The following MYO1D variants were observed in gnomAD, a reference collection of about 807,000 sequenced individuals.
MYO1D encodes myosin ID.
Under a neutral mutation model 122.0 loss-of-function variants are expected in MYO1D, and 83 were observed. That is an observed-to-expected ratio of 0.68 (90% CI 0.57 to 0.82). The LOEUF (loss-of-function observed/expected upper bound fraction) is 0.82, where lower values mean the gene tolerates loss of function less well. MYO1D is among the 40% of genes least tolerant of loss of function. The probability of loss-of-function intolerance (pLI) is 0.00; values close to 1 mark genes in which losing one functional copy is unlikely to be tolerated. For missense variants in MYO1D, 1,157 were observed against 1,269.5 expected (o/e 0.91, Z 1.35); for synonymous variants, 464 against 446.9 (o/e 1.04, Z -0.48).
intron 21 of MYO1D, among the ~76,000 whole-genome samples, chr17:32,521,437 GA>G (rs1164670630): frequency 6.6e-6 from 1 of 152,196 alleles, no homozygotes; most frequent in Admixed American, 6.5e-5. Flanking sequence ...GGAACAAACT[GA>G]AAAGAACAGT....
At chr17:32,755,460 T>C (rs751971942) in intron 11 of MYO1D, 32 bp downstream of exon 11, 11 of 1,600,846 alleles carry the variant, frequency 6.9e-6, no homozygotes, top group Non-Finnish European at 8.5e-6. Context: ...ACCTCACAGA[T>C]AAAAGGAAGA....
chr17:32,779,512 C>T (rs1172305282), intron 2 of MYO1D, among the ~76,000 whole-genome samples: 1 of 150,992 alleles, frequency 6.6e-6, no homozygotes, highest in African/African-American at 2.4e-5. Context: ...ATTACACATG[C>T]AATTATGACT....
intron 16 of MYO1D, among the ~76,000 whole-genome samples, chr17:32,703,296 T>C (rs1002505383): frequency 9.9e-5 from 15 of 152,210 alleles, no homozygotes; most frequent in African/African-American, 3.6e-4. Context: ...ATTTGTGTTA[T>C]AGGTGGGTCA....
chr17:32,806,765 C>G (rs879357081), intron 1 of MYO1D, among the ~76,000 whole-genome samples: 1 of 152,158 alleles, frequency 6.6e-6, no homozygotes, highest in Non-Finnish European at 1.5e-5. Context: ...TTTATAGCTC[C>G]AAGGGTGTTT....
chr17:32,780,492 T>C (rs1481661520), intron 2 of MYO1D, 84 bp downstream of exon 2: 2 of 1,399,252 alleles, frequency 1.4e-6, no homozygotes, highest in Admixed American at 1.8e-5. Flanking sequence ...TAAAAAAATA[T>C]TTAATCAATT....
intron 16 of MYO1D, among the ~76,000 whole-genome samples, chr17:32,687,910 A>G (rs558384014): frequency 9.8e-5 from 15 of 152,346 alleles, no homozygotes; most frequent in African/African-American, 3.4e-4. Flanking sequence ...ATAATCAAGT[A>G]CAAGGATTCT....
At chr17:32,581,435 C>T (rs2087337529) in intron 21 of MYO1D, among the ~76,000 whole-genome samples, 1 of 151,852 alleles carries the variant, frequency 6.6e-6, no homozygotes, top group Non-Finnish European at 1.5e-5. Flanking sequence ...GACCTTTCTT[C>T]TGCTTTCTTT....
intron 16 of MYO1D, among the ~76,000 whole-genome samples, chr17:32,683,967 C>T (rs1035844849): frequency 2.0e-5 from 3 of 152,138 alleles, no homozygotes; most frequent in Admixed American, 6.5e-5. Context: ...TTTTTTAAGC[C>T]GGCCTGAAAA....
At chr17:32,555,249 C>T (rs1023984103) in intron 21 of MYO1D, among the ~76,000 whole-genome samples, 9 of 142,846 alleles carry the variant, frequency 6.3e-5, no homozygotes, top group Admixed American at 2.1e-4. Flanking sequence ...CATGAAATAC[C>T]ACACAGATAT....
chr17:32,765,721 G>A (rs1191925723), intron 7 of MYO1D, among the ~76,000 whole-genome samples: 3 of 152,180 alleles, frequency 2.0e-5, no homozygotes, highest in Non-Finnish European at 4.4e-5. Flanking sequence ...GCCTCCCAAA[G>A]TGCTGGGATT....
At chr17:32,770,588 T>C (rs576292155) in intron 6 of MYO1D, among the ~76,000 whole-genome samples, 1 of 152,222 alleles carries the variant, frequency 6.6e-6, no homozygotes, top group East Asian at 1.9e-4. Flanking sequence ...AAAATACGCC[T>C]GCATGTAAGT....
intron 20 of MYO1D, among the ~76,000 whole-genome samples, chr17:32,606,433 T>G (rs1298576838): frequency 6.6e-6 from 1 of 152,160 alleles, no homozygotes; most frequent in East Asian, 1.9e-4. Flanking sequence ...AACACGGATG[T>G]AAAAATGGAT....
Position 32,772,855 on chromosome 17 carries a change from A to C in MYO1D, c.565-13T>G. ...CAATCACTCGAGACTAAGAAAAAACACATTAAAATGGTTAACCCGAAAATG... is the reference window on the plus strand; with the variant it reads ...CAATCACTCGAGACTAAGAAAAAACCCATTAAAATGGTTAACCCGAAAATG... On this transcript the variant is annotated splice_polypyrimidine_tract_variant and intron_variant, in intron 4 of 21. Coordinates refer to ENST00000318217, the MANE Select transcript of MYO1D (RefSeq NM_015194.3). 6.2e-7 allele frequency: 1 copy of C among 1,612,220 alleles called. No homozygotes were observed.
At chr17:32,755,778 T>A (rs777938871) in intron 10 of MYO1D, 116 bp from the exon 11 acceptor site, 47 of 803,278 alleles carry the variant, frequency 5.9e-5, no homozygotes, top group Middle Eastern at 3.2e-4. Flanking sequence ...GTCAAATGTG[T>A]GAATAACATT....
intron 21 of MYO1D, among the ~76,000 whole-genome samples, chr17:32,564,977 C>T (rs1194575425): frequency 6.6e-6 from 1 of 152,144 alleles, no homozygotes; most frequent in African/African-American, 2.4e-5. Flanking sequence ...TATAACTAGA[C>T]ATCATTTCAT....
intron 19 of MYO1D, among the ~76,000 whole-genome samples, chr17:32,650,942 A>G (rs772353748): frequency 6.6e-6 from 1 of 151,956 alleles, no homozygotes; most frequent in Non-Finnish European, 1.5e-5. Context: ...ATGCTTGGAA[A>G]CTTTTGAGTG....
At chr17:32,547,687 C>T (rs1209839514) in intron 21 of MYO1D, among the ~76,000 whole-genome samples, 1 of 152,226 alleles carries the variant, frequency 6.6e-6, no homozygotes, top group African/African-American at 2.4e-5. Context: ...TGGGTCACTC[C>T]TATAATCCTA....
chr17:32,634,946 A>G (rs2088077166), intron 20 of MYO1D, among the ~76,000 whole-genome samples: 1 of 152,208 alleles, frequency 6.6e-6, no homozygotes, highest in African/African-American at 2.4e-5. Context: ...TAAATAGTGG[A>G]GGGAGGAGAT....
rs1347726438 is a variant in MYO1D at position 32,499,599 on chromosome 17, A to C, written c.2865-4684T>G. 2.0e-5 allele frequency among the ~76,000 whole-genome samples: 3 copies of C among 152,118 alleles called. No homozygotes were observed. The East Asian group carries it at 5.8e-4, about 29-fold the overall frequency. Reference sequence around the variant, plus strand: ...CAGTGAGCCAAGATCATGCCACTGCACTCCAGCCTGGGTGACAGGGCAAGA... The same window carrying C: ...CAGTGAGCCAAGATCATGCCACTGCCCTCCAGCCTGGGTGACAGGGCAAGA... On this transcript the variant is annotated intron_variant, in intron 21 of 21. Transcript: ENST00000318217.
Sources: gnomAD v4.1 joint callset for allele counts (sites outside exome capture counted in the v4.1 genomes callset) on GRCh38, gnomAD v4.1.1 for gene constraint, MANE v1.5 for transcripts, NCBI Gene and HGNC (gene_info 2026-07-23, HGNC 2026-07-21) for gene names.